The following RIC1 variants were observed in gnomAD, a reference collection of about 807,000 sequenced individuals.
RIC1 encodes the protein RIC1 partner of RAB6A GEF complex, also known as guanine nucleotide exchange factor subunit RIC1.
A neutral mutation model predicts 169.0 loss-of-function variants in RIC1; 88 were observed. That is an observed-to-expected ratio of 0.52 (90% confidence interval 0.44 to 0.62). RIC1 has a LOEUF of 0.62. Among genes scored for constraint, RIC1 ranks in the 20% least tolerant of loss-of-function variants. RIC1 has a pLI of 0.00. For missense variants in RIC1, 1,877 were observed against 1,725.5 expected, an observed-to-expected ratio of 1.09 and a Z score of -1.56; for synonymous variants, 790 against 601.5, an observed-to-expected ratio of 1.31 and a Z score of -4.59.
intron 2 of RIC1, among the ~76,000 whole-genome samples, chr9:5,670,631 T>C (rs1252134262): frequency 6.6e-6 from 1 of 152,172 alleles, no homozygotes; most frequent in East Asian, 1.9e-4. Context: ...CAAAGCATTA[T>C]ATAAAGATGG....
Position 5,697,999 on chromosome 9 carries a change from A to C in RIC1, c.332+7961A>C, listed in dbSNP as rs139459632. The stretch of plus-strand genomic sequence containing the variant: ...GACTTGAGTTCTATACTTGGGAGAG[A>C]AGTCAGGACTTAGGTAAGTTATGTT... On this transcript the variant is annotated intron_variant, in intron 3 of 25. Transcript: ENST00000414202. Among the ~76,000 whole-genome samples, 250 of 152,304 alleles carry C rather than the reference A, an allele frequency of 1.6e-3. 2 individuals are homozygous for C. Among genetic ancestry groups the C allele is most frequent in the African/African-American group, 5.8e-3 (240 of 41,568 alleles).
Position 5,766,331 on chromosome 9 carries a change from C to T in RIC1, c.3137+533C>T, listed in dbSNP as rs544649981. Reference sequence around the variant, plus strand: ...GCCGGGATTACAAGCGTGAGCCACCCTACCTGGCCAAATGCTACAAACTTT... The same window carrying T: ...GCCGGGATTACAAGCGTGAGCCACCTTACCTGGCCAAATGCTACAAACTTT... On this transcript the variant is annotated intron_variant, in intron 21 of 25. Transcript: ENST00000414202. Among the ~76,000 whole-genome samples the T allele has an allele frequency of 1.1e-4, 16 of 152,270 alleles. No individual in the cohort carries two copies. In the South Asian group the frequency reaches 3.1e-3, roughly 30 times the overall value.
chr9:5,655,421 C>T (rs773136523), intron 1 of RIC1, among the ~76,000 whole-genome samples: 2 of 152,108 alleles, frequency 1.3e-5, no homozygotes, highest in African/African-American at 4.8e-5. Context: ...CTGCCTCAGC[C>T]TCCCAAATAG....
intron 7 of RIC1, among the ~76,000 whole-genome samples, chr9:5,732,929 G>T (rs1402379117): frequency 6.6e-6 from 1 of 151,930 alleles, no homozygotes; most frequent in East Asian, 1.9e-4. Context: ...ATTAAATAGA[G>T]ATTTTAGAAA....
At position 5,772,847 on chromosome 9, in the gene RIC1, T is replaced by C. The variant is rs62558090; in HGVS notation, c.3795-45T>C. The C allele has an allele frequency of 3.8e-3, 6,011 of 1,577,474 alleles. 9 individuals carry two copies. The highest frequency in any genetic ancestry group is 4.5e-3 in the Non-Finnish European group (5,254 of 1,156,302). ...AATCATTGCACTTCTGTACATCTTA[T>C]AGATCTTTCTTAGCATAAATCATTT... On this transcript the variant is annotated intron_variant, in intron 24 of 25. Coordinates refer to ENST00000414202, the MANE Select transcript of RIC1 (RefSeq NM_020829.4).
At chr9:5,722,348 A>AGAGAGAGAGTGTGTGAGT (rs374028302) in intron 6 of RIC1, among the ~76,000 whole-genome samples, 2 of 131,298 alleles carry the variant, frequency 1.5e-5, no homozygotes, top group South Asian at 5.3e-4. Context: ...AGAGAGAGAG[A>AGAGAGAGAGTGTGTGAGT]GTGTGTGTGT....
At chr9:5,758,381 A>G (rs750139701) in intron 17 of RIC1, among the ~76,000 whole-genome samples, 31 of 152,222 alleles carry the variant, frequency 2.0e-4, no homozygotes, top group Non-Finnish European at 4.3e-4. Flanking sequence ...TTTACTTCCT[A>G]TCGAGGCACT....
downstream of RIC1, among the ~76,000 whole-genome samples, chr9:5,778,195 A>T (rs1395702366): frequency 6.6e-6 from 1 of 152,096 alleles, no homozygotes; most frequent in Non-Finnish European, 1.5e-5. Flanking sequence ...TGCTACTGTA[A>T]AAAAAATGGA....
At chr9:5,766,008 T>C (rs1416994878) in intron 21 of RIC1, among the ~76,000 whole-genome samples, 1 of 152,194 alleles carries the variant, frequency 6.6e-6, no homozygotes, top group Non-Finnish European at 1.5e-5. Flanking sequence ...TTTCTGCCCC[T>C]TTTTCTGGAA....
chr9:5,741,878 T>C (rs1825104189), intron 8 of RIC1, among the ~76,000 whole-genome samples: 1 of 152,192 alleles, frequency 6.6e-6, no homozygotes, highest in Non-Finnish European at 1.5e-5. Context: ...TTTTTGTGTG[T>C]GTAGCGCTTT....
At chr9:5,734,900 AT>A (rs1824606745) in intron 7 of RIC1, among the ~76,000 whole-genome samples, 1 of 152,226 alleles carries the variant, frequency 6.6e-6, no homozygotes, top group South Asian at 2.1e-4. Context: ...AAAAGGAGAC[AT>A]TCTCTTGTAT....
chr9:5,729,463 C>A (rs1002231483), intron 6 of RIC1, among the ~76,000 whole-genome samples: 1 of 152,178 alleles, frequency 6.6e-6, no homozygotes, highest in Non-Finnish European at 1.5e-5. Context: ...TCTCAGCATT[C>A]TTCCCTGTCA....
At chr9:5,762,446 G>A in intron 17 of RIC1, 95 bp from the exon 18 acceptor site, 1 of 1,435,982 alleles carries the variant, frequency 7.0e-7, no homozygotes, top group Non-Finnish European at 9.5e-7. Flanking sequence ...AAATAATGTA[G>A]ATTGTTTGAC....
At chr9:5,630,926 A>G (rs1284753519) in intron 1 of RIC1, among the ~76,000 whole-genome samples, 1 of 152,216 alleles carries the variant, frequency 6.6e-6, no homozygotes, top group East Asian at 1.9e-4. Flanking sequence ...CTTGAATTTA[A>G]ATTGTCTTTT....
At chr9:5,690,924 A>T (rs914704919) in intron 3 of RIC1, among the ~76,000 whole-genome samples, 2 of 151,940 alleles carry the variant, frequency 1.3e-5, no homozygotes, top group Admixed American at 1.3e-4. Flanking sequence ...TAGACCCAGT[A>T]GTAACCCAAA....
intron 3 of RIC1, among the ~76,000 whole-genome samples, chr9:5,699,595 G>A (rs566323058): frequency 6.6e-6 from 1 of 151,382 alleles, no homozygotes; most frequent in South Asian, 2.1e-4. Context: ...TTCCACACAA[G>A]TGGTAAGGGC....
At chr9:5,670,716 T>C (rs1820037804) in intron 2 of RIC1, among the ~76,000 whole-genome samples, 1 of 152,228 alleles carries the variant, frequency 6.6e-6, no homozygotes. Context: ...CTGAATACAA[T>C]TGATTTATCA....
chr9:5,766,833 AC>A (rs1826797755), intron 21 of RIC1, among the ~76,000 whole-genome samples: 1 of 152,146 alleles, frequency 6.6e-6, no homozygotes, highest in Non-Finnish European at 1.5e-5. Context: ...TTTTTGAATG[AC>A]TTCTTTTCCT....
intron 1 of RIC1, among the ~76,000 whole-genome samples, chr9:5,654,196 G>T (rs774630430): frequency 2.6e-5 from 4 of 151,698 alleles, no homozygotes; most frequent in Non-Finnish European, 5.9e-5. Context: ...TAGAGACAAG[G>T]TTTCACCATG....
Sources: gnomAD v4.1 joint callset for allele counts (sites outside exome capture counted in the v4.1 genomes callset) on GRCh38, gnomAD v4.1.1 for gene constraint, MANE v1.5 for transcripts, NCBI Gene and HGNC (gene_info 2026-07-23, HGNC 2026-07-21) for gene names.